PIWIL3: variants seen among roughly 807,000 people sequenced by gnomAD.
PIWIL3 encodes piwi like RNA-mediated gene silencing 3.
A neutral mutation model predicts 109.7 loss-of-function variants in PIWIL3; 101 were observed. That is an observed-to-expected ratio of 0.92 (90% CI 0.78 to 1.09). The LOEUF is 1.09. PIWIL3 is among the 50% of genes least tolerant of loss of function. PIWIL3 has a pLI of 0.00. For missense variants in PIWIL3, 1,031 were observed against 1,072.6 expected, an observed-to-expected ratio of 0.96 and a Z score of 0.54; for synonymous variants, 373 against 376.4, an observed-to-expected ratio of 0.99 and a Z score of 0.10.
intron 4 of PIWIL3, 118 bp downstream of exon 4, chr22:24,757,790 T>G: frequency 8.2e-7 from 1 of 1,221,944 alleles, no homozygotes; most frequent in Non-Finnish European, 1.1e-6. Flanking sequence ...GAGGCTAAAG[T>G]GAGCATCACT....
chr22:24,751,286 GTATGTT>G, intron 9 of PIWIL3, 95 bp downstream of exon 9: 1 of 1,216,666 alleles, frequency 8.2e-7, no homozygotes, highest in Non-Finnish European at 1.1e-6. Flanking sequence ...AGGAAAATAT[GTATGTT>G]TATATGACAA....
chr22:24,734,225 A>G, intron 13 of PIWIL3, 69 bp from the exon 14 acceptor site: 1 of 1,567,066 alleles, frequency 6.4e-7, no homozygotes, highest in Non-Finnish European at 8.6e-7. Flanking sequence ...CACCCAGCAA[A>G]TTAAATACAA....
In PIWIL3 at chr22:24,735,841, AG is replaced by A. The variant is rs1416724575; in HGVS notation, c.1500del (p.Leu501TyrfsTer25). 3 of 1,612,048 alleles carry A rather than the reference AG, an allele frequency of 1.9e-6. No homozygotes were observed. The highest frequency in any genetic ancestry group is 2.5e-6 in the Non-Finnish European group (3 of 1,179,340). On this transcript the variant is annotated frameshift_variant, in exon 13 of 21. Transcript: ENST00000616349. LOFTEE classifies it high-confidence loss of function. ...CTATGTAGTGGCATTGCATTAAGTA[AG>A]GGTAATTCTCTTATTTCTCTTGACC... The part of the protein sequence containing the change: ...GDWSREIREL[P>X]LLNAMPLHSW...
chr22:24,757,671 C>CATATATATAAAATATGTATATATT (rs1446111697), intron 4 of PIWIL3, among the ~76,000 whole-genome samples: 4 of 128,372 alleles, frequency 3.1e-5, no homozygotes, highest in African/African-American at 9.3e-5. Context: ...CACACACACA[C>CATATATATAAAATATGTATATATT]ACACACACAC....
chr22:24,771,865 T>C (rs965388171), intron 1 of PIWIL3, among the ~76,000 whole-genome samples: 8 of 152,080 alleles, frequency 5.3e-5, no homozygotes, highest in Non-Finnish European at 1.0e-4. Context: ...CCGGCTAATT[T>C]TTGTATCGTT....
intron 12 of PIWIL3, among the ~76,000 whole-genome samples, chr22:24,744,184 A>C (rs1373111788): frequency 6.9e-6 from 1 of 144,264 alleles, no homozygotes; most frequent in Non-Finnish European, 1.5e-5. Flanking sequence ...GAATTAAAAA[A>C]AAAAAAAAAA....
intron 4 of PIWIL3, among the ~76,000 whole-genome samples, chr22:24,756,946 G>A (rs1161550388): frequency 6.6e-6 from 1 of 152,014 alleles, no homozygotes; most frequent in Non-Finnish European, 1.5e-5. Context: ...GGGCACAGTG[G>A]CAGGTGCCTA....
At chr22:24,738,680 C>T (rs1923806294) in intron 12 of PIWIL3, among the ~76,000 whole-genome samples, 1 of 152,208 alleles carries the variant, frequency 6.6e-6, no homozygotes, top group Non-Finnish European at 1.5e-5. Context: ...TGGAATGTCC[C>T]CTGATGCAGA....
intron 14 of PIWIL3, among the ~76,000 whole-genome samples, chr22:24,730,390 C>T (rs972922120): frequency 5.6e-5 from 8 of 141,690 alleles, no homozygotes; most frequent in Non-Finnish European, 3.1e-5. Context: ...AAAAGCATTA[C>T]TTCAATATTA....
chr22:24,745,555 T>TAAAC (rs764454097), intron 12 of PIWIL3, among the ~76,000 whole-genome samples: 67 of 149,702 alleles, frequency 4.5e-4, no homozygotes, highest in East Asian at 7.9e-4. Context: ...TCTAAATAAA[T>TAAAC]AAACAAACAA....
chr22:24,749,372 TAC>T, intron 11 of PIWIL3, 30 bp downstream of exon 11: 1 of 1,611,512 alleles, frequency 6.2e-7, no homozygotes, highest in Non-Finnish European at 8.5e-7. Context: ...CATGCACATG[TAC>T]ACACACTCAG....
chr22:24,719,372 A>C lies in PIWIL3; in HGVS notation c.*100T>G. On this transcript the variant is annotated 3_prime_UTR_variant, in exon 21 of 21. Coordinates refer to ENST00000616349, the MANE Select transcript of PIWIL3 (RefSeq NM_001255975.1). ...TCCAATCAAAAACGATGAGAATTTA[A>C]TGCTATGGACCTAGGAAAATATTTC... is the stretch of plus-strand genomic sequence containing the variant. 1 of 901,594 alleles carries C rather than the reference A, an allele frequency of 1.1e-6. No homozygotes were observed. The highest frequency in any genetic ancestry group is 1.7e-6 in the Non-Finnish European group (1 of 592,510). 55.8% of individuals were successfully genotyped at this position (901,594 alleles called of 1,614,324 possible).
intron 1 of PIWIL3, among the ~76,000 whole-genome samples, chr22:24,763,379 C>T (rs113275505): frequency 0.015 from 2,219 of 152,228 alleles, 27 homozygotes; most frequent in Middle Eastern, 0.024. Context: ...CGGCTCACTG[C>T]AACCTCCGCC....
intron 1 of PIWIL3, among the ~76,000 whole-genome samples, chr22:24,770,677 A>AC (rs1926083422): frequency 1.5e-5 from 2 of 137,654 alleles, no homozygotes; most frequent in Admixed American, 1.5e-4. Flanking sequence ...AAAAAAAAAA[A>AC]AACAAAAATT....
At chr22:24,756,802 G>A (rs1925062674) in intron 4 of PIWIL3, 97 bp from the exon 5 acceptor site, 2 of 1,082,436 alleles carry the variant, frequency 1.8e-6, no homozygotes, top group Non-Finnish European at 2.7e-6. Context: ...AGTTAGGGCT[G>A]GGCACGGTGG....
At position 24,725,426 on chromosome 22, in the gene PIWIL3, A is replaced by G. The variant is rs1232564652; in HGVS notation, c.2080+19T>C. 6.2e-7 allele frequency: 1 copy of G among 1,612,716 alleles called. No individual in the cohort carries two copies. The highest frequency in any genetic ancestry group is 8.5e-7 in the Non-Finnish European group (1 of 1,179,822). ...TACTTGTATAGTGTCGGGTTCCCCG[A>G]CCGCTACAAGACACTGACCTTTCAA... On this transcript the variant is annotated intron_variant, in intron 17 of 20. Transcript: ENST00000616349.
intron 1 of PIWIL3, among the ~76,000 whole-genome samples, chr22:24,771,446 C>T (rs1926127135): frequency 6.8e-6 from 1 of 147,874 alleles, no homozygotes; most frequent in African/African-American, 2.5e-5. Flanking sequence ...CACTGCACTC[C>T]AGCCTGGGCG....
At position 24,723,203 on chromosome 22, in the gene PIWIL3, G is replaced by GA. The variant is rs778241602; in HGVS notation, c.2283dup (p.Leu762SerfsTer2). On this transcript the variant is annotated frameshift_variant, in exon 19 of 21. Coordinates refer to ENST00000616349, the MANE Select transcript of PIWIL3 (RefSeq NM_001255975.1). LOFTEE classifies it high-confidence loss of function. Reference sequence around the variant, plus strand: ...TTTTGAAAATTGCTTCCATGTTTAAGAAAAAATCTAGTGTTTATTCGTTTC... The same window carrying GA: ...TTTTGAAAATTGCTTCCATGTTTAAGAAAAAAATCTAGTGTTTATTCGTTTC... The GA allele has an allele frequency of 4.2e-5, 67 of 1,610,848 alleles. No individual in the cohort carries two copies. In the East Asian group the frequency reaches 1.3e-3, roughly 31 times the overall value.
intron 19 of PIWIL3, among the ~76,000 whole-genome samples, chr22:24,721,252 C>T (rs111422086): frequency 1.2e-3 from 179 of 152,250 alleles, no homozygotes; most frequent in Admixed American, 2.9e-3. Context: ...TCATAGTATT[C>T]TGATTTCTAC....
Sources: gnomAD v4.1 joint callset for allele counts (sites outside exome capture counted in the v4.1 genomes callset) on GRCh38, gnomAD v4.1.1 for gene constraint, MANE v1.5 for transcripts, NCBI Gene and HGNC (gene_info 2026-07-23, HGNC 2026-07-21) for gene names.